Variants in LPP observed in about 807,000 individuals in gnomAD.
LPP encodes the protein LIM domain containing preferred translocation partner in lipoma.
LPP carries 38 observed loss-of-function variants against 60.4 expected under a neutral mutation model. That is an observed-to-expected ratio of 0.63 (90% CI 0.49 to 0.83). The LOEUF (loss-of-function observed/expected upper bound fraction) is 0.83, where lower values mean the gene tolerates loss of function less well. Among genes scored for constraint, LPP ranks in the 40% least tolerant of loss-of-function variants. LPP has a pLI of 0.00. For missense variants in LPP, 902 were observed against 783.6 expected (o/e 1.15, Z -1.80); for synonymous variants, 328 against 290.8 (o/e 1.13, Z -1.30).
At chr3:188,327,421 T>A (rs940109924) in intron 2 of LPP, among the ~76,000 whole-genome samples, 2 of 128,928 alleles carry the variant, frequency 1.6e-5, no homozygotes, top group South Asian at 5.0e-4. Context: ...CCTTAATGGA[T>A]CCTTATATTG....
At chr3:188,529,294 C>T (rs1185439429) in intron 6 of LPP, among the ~76,000 whole-genome samples, 2 of 152,078 alleles carry the variant, frequency 1.3e-5, no homozygotes, top group Non-Finnish European at 1.5e-5. Flanking sequence ...AAATGTAGAC[C>T]GTTAATGCCC....
At chr3:188,685,874 T>C (rs773628445) in intron 7 of LPP, among the ~76,000 whole-genome samples, 9 of 152,172 alleles carry the variant, frequency 5.9e-5, no homozygotes, top group Non-Finnish European at 1.0e-4. Context: ...CATTTATGAC[T>C]TATTTATTAT....
intron 8 of LPP, 158 bp downstream of exon 8, chr3:188,708,551 G>T: frequency 1.0e-6 from 1 of 974,008 alleles, no homozygotes; most frequent in South Asian, 1.5e-5. Context: ...TGTAGGATTT[G>T]CATTTGCAAG....
chr3:188,358,229 A>G (rs1768181684), intron 3 of LPP, among the ~76,000 whole-genome samples: 2 of 152,216 alleles, frequency 1.3e-5, no homozygotes, highest in South Asian at 4.1e-4. Flanking sequence ...TTACATAATA[A>G]TAATATAATA....
At chr3:188,666,721 C>T (rs1457979607) in intron 7 of LPP, among the ~76,000 whole-genome samples, 2 of 152,234 alleles carry the variant, frequency 1.3e-5, no homozygotes, top group Non-Finnish European at 2.9e-5. Context: ...CTTGTCCACA[C>T]ACTGGAAGTC....
chr3:188,757,585 C>T (rs1416001920), intron 8 of LPP, among the ~76,000 whole-genome samples: 1 of 152,108 alleles, frequency 6.6e-6, no homozygotes, highest in Non-Finnish European at 1.5e-5. Context: ...AAGTGTGGTC[C>T]ACAGATCCCT....
intron 3 of LPP, among the ~76,000 whole-genome samples, chr3:188,347,788 G>C (rs760296244): frequency 6.6e-6 from 1 of 152,198 alleles, no homozygotes; most frequent in Non-Finnish European, 1.5e-5. Context: ...AAGAGTGAAA[G>C]GCAGGTCAGA....
intron 7 of LPP, among the ~76,000 whole-genome samples, chr3:188,694,671 T>A (rs187718443): frequency 6.7e-6 from 1 of 149,436 alleles, no homozygotes; most frequent in East Asian, 2.0e-4. Context: ...CATTGCACAC[T>A]GAGCAACAAG....
chr3:188,205,277 CTTTTTTTTTTTTT>C (rs34713244), intron 1 of LPP, among the ~76,000 whole-genome samples: 2 of 103,418 alleles, frequency 1.9e-5, no homozygotes, highest in South Asian at 3.3e-4. Context: ...AGATTATAAT[CTTTTTTTTTTTTT>C]TTTTTTTTTT....
At chr3:188,825,633 G>A (rs940218288) in intron 9 of LPP, among the ~76,000 whole-genome samples, 1 of 151,890 alleles carries the variant, frequency 6.6e-6, no homozygotes, top group Non-Finnish European at 1.5e-5. Flanking sequence ...GGGGCACCTC[G>A]AAAACTCCCC....
rs573964956 is a variant in LPP, at chr3:188,296,606, T to C, written c.-66-45057T>C. 7.2e-5 allele frequency among the ~76,000 whole-genome samples: 11 copies of C among 152,322 alleles called. No homozygotes were observed. In the East Asian group the frequency reaches 2.1e-3, roughly 29 times the overall value. Reference sequence around the variant, plus strand: ...TCTCTCTCATTCTCTCCTACCTATATTGAAACCAGTTGAAAATAATGGAGT... The same window carrying C: ...TCTCTCTCATTCTCTCCTACCTATACTGAAACCAGTTGAAAATAATGGAGT... On this transcript the variant is annotated intron_variant, in intron 2 of 11. Transcript: ENST00000617246.
chr3:188,359,874 C>A (rs1282775065), intron 3 of LPP, among the ~76,000 whole-genome samples: 1 of 152,110 alleles, frequency 6.6e-6, no homozygotes, highest in African/African-American at 2.4e-5. Context: ...TAGGTTTATA[C>A]CTCTTTCTCC....
intron 2 of LPP, among the ~76,000 whole-genome samples, chr3:188,235,231 C>T (rs1455478795): frequency 1.4e-4 from 22 of 152,090 alleles, no homozygotes. Flanking sequence ...TTTGGGACCT[C>T]TGGAAGAGTT....
At chr3:188,466,077 C>T (rs79670348) in intron 4 of LPP, among the ~76,000 whole-genome samples, 28,693 of 152,062 alleles carry the variant, frequency 0.19, 3,331 homozygotes, top group Middle Eastern at 0.36. Context: ...AGGTACTCTC[C>T]TTTAGACTGC....
chr3:188,720,739 C>T (rs1560112825), intron 8 of LPP, among the ~76,000 whole-genome samples: 1 of 152,070 alleles, frequency 6.6e-6, no homozygotes, highest in Non-Finnish European at 1.5e-5. Flanking sequence ...TAGTACTGTA[C>T]AGCTCTGATC....
intron 2 of LPP, among the ~76,000 whole-genome samples, chr3:188,279,776 CA>C (rs1280599122): frequency 6.6e-6 from 1 of 152,202 alleles, no homozygotes; most frequent in Non-Finnish European, 1.5e-5. Flanking sequence ...TTTATTCTTG[CA>C]GGAAAAGTCT....
At chr3:188,678,497 A>G (rs1046789719) in intron 7 of LPP, among the ~76,000 whole-genome samples, 3 of 152,216 alleles carry the variant, frequency 2.0e-5, no homozygotes, top group Non-Finnish European at 4.4e-5. Flanking sequence ...TACTCTAGTG[A>G]GCAGAAAATC....
chr3:188,219,986 T>C (rs1365834019), intron 1 of LPP, among the ~76,000 whole-genome samples: 2 of 152,208 alleles, frequency 1.3e-5, no homozygotes, highest in African/African-American at 4.8e-5. Context: ...TCTGTTCTGC[T>C]AACTCAACCA....
At chr3:188,316,533 C>T (rs1407637503) in intron 2 of LPP, among the ~76,000 whole-genome samples, 1 of 152,106 alleles carries the variant, frequency 6.6e-6, no homozygotes, top group Non-Finnish European at 1.5e-5. Flanking sequence ...ACATGATGCC[C>T]ATGATGTTTG....
Sources: gnomAD v4.1 joint callset for allele counts (sites outside exome capture counted in the v4.1 genomes callset) on GRCh38, gnomAD v4.1.1 for gene constraint, MANE v1.5 for transcripts, NCBI Gene and HGNC (gene_info 2026-07-23, HGNC 2026-07-21) for gene names.